Variants in CFAP77 observed in about 807,000 individuals in gnomAD.
CFAP77 encodes the protein cilia and flagella associated protein 77.
CFAP77 carries 25 observed loss-of-function variants against 31.1 expected under a neutral mutation model. The observed-to-expected ratio is 0.80, with a 90% CI of 0.59 to 1.12. CFAP77 has a LOEUF of 1.12. CFAP77 is among the 50% of genes most tolerant of loss of function. The pLI is 0.00. For missense variants in CFAP77, 377 were observed against 397.3 expected (o/e 0.95, Z 0.44); for synonymous variants, 151 against 159.9 (o/e 0.94, Z 0.42).
chr9:132,503,905 C>G lies in CFAP77; in HGVS notation c.524+4305C>G, dbSNP rs1589891755. On this transcript the variant is annotated intron_variant, in intron 3 of 5. Coordinates refer to ENST00000393216, the MANE Select transcript of CFAP77 (RefSeq NM_001282957.2). ...CTCCACTAAAAATACAAAAATGAGT[C>G]GGGCGTGGTGGCATGCATCTGTAAT... Among the ~76,000 whole-genome samples the G allele has an allele frequency of 2.0e-5, 3 of 152,128 alleles. No homozygotes were observed. In the South Asian group the frequency reaches 6.2e-4, roughly 32 times the overall value.
chr9:132,538,914 C>T (rs997162155), intron 4 of CFAP77, among the ~76,000 whole-genome samples: 1 of 151,836 alleles, frequency 6.6e-6, no homozygotes, highest in African/African-American at 2.4e-5. Context: ...GGTGAAACCC[C>T]GTCTCTACTA....
chr9:132,437,108 AAT>A (rs1698090364), intron 1 of CFAP77, among the ~76,000 whole-genome samples: 1 of 152,116 alleles, frequency 6.6e-6, no homozygotes, highest in Non-Finnish European at 1.5e-5. Flanking sequence ...ATGTGCATGT[AAT>A]ACTATTCAGG....
chr9:132,470,985 T>A (rs980479938), intron 1 of CFAP77, among the ~76,000 whole-genome samples: 1 of 152,202 alleles, frequency 6.6e-6, no homozygotes, highest in African/African-American at 2.4e-5. Flanking sequence ...TTCAAAAAAT[T>A]TTTTTTAAAT....
chr9:132,473,934 C>T (rs766703950), intron 1 of CFAP77, among the ~76,000 whole-genome samples: 12 of 152,146 alleles, frequency 7.9e-5, no homozygotes, highest in African/African-American at 1.7e-4. Context: ...CCACCTGCCT[C>T]GGCCTCCCAA....
At chr9:132,524,288 A>G (rs1050771988) in intron 3 of CFAP77, among the ~76,000 whole-genome samples, 1 of 151,280 alleles carries the variant, frequency 6.6e-6, no homozygotes, top group African/African-American at 2.4e-5. Context: ...CTATAGGACA[A>G]TTGGGAGAGC....
chr9:132,411,198 G>T (rs191184222), intron 1 of CFAP77, among the ~76,000 whole-genome samples: 14 of 152,318 alleles, frequency 9.2e-5, no homozygotes, highest in Admixed American at 8.5e-4. Flanking sequence ...TCAGGCTGAG[G>T]CTTGGGGGTC....
At chr9:132,513,757 C>T (rs536183809) in intron 3 of CFAP77, among the ~76,000 whole-genome samples, 3 of 152,334 alleles carry the variant, frequency 2.0e-5, no homozygotes, top group East Asian at 3.9e-4. Context: ...CGAGGGTCCT[C>T]GGGGTTGATG....
At chr9:132,413,840 A>G (rs536104840) in intron 1 of CFAP77, among the ~76,000 whole-genome samples, 1 of 152,294 alleles carries the variant, frequency 6.6e-6, no homozygotes, top group African/African-American at 2.4e-5. Flanking sequence ...TTTTTTCATA[A>G]TTTATTATTG....
At chr9:132,448,107 G>C (rs974771381) in intron 1 of CFAP77, among the ~76,000 whole-genome samples, 5 of 152,020 alleles carry the variant, frequency 3.3e-5, no homozygotes, top group Non-Finnish European at 7.4e-5. Flanking sequence ...TAGCTTTTTC[G>C]TTTAATTCAG....
chr9:132,558,476 G>A (rs1428903286), intron 5 of CFAP77, among the ~76,000 whole-genome samples: 3 of 152,042 alleles, frequency 2.0e-5, no homozygotes, highest in Non-Finnish European at 2.9e-5. Flanking sequence ...AGGCAGAGGC[G>A]GGAGGATCAC....
intron 1 of CFAP77, among the ~76,000 whole-genome samples, chr9:132,489,748 C>T (rs10122574): frequency 0.26 from 38,970 of 151,940 alleles, 5,222 homozygotes; most frequent in East Asian, 0.5. Context: ...TTCCAGTTTG[C>T]GACCTGTCTA....
rs552414265 is a variant in CFAP77, at chr9:132,552,356, G to A, written c.732+9309G>A. On this transcript the variant is annotated intron_variant, in intron 5 of 5. Transcript: ENST00000393216. This position sits in a 1 kb window ranked among gnomAD's most constrained non-coding sequence, Gnocchi z 5.5. Reference sequence around the variant, plus strand: ...AGCTGCTCCTTTAGATGAGTTATTCGAAAACTTGGCTTTGCCTGGGATCCT... The same window carrying A: ...AGCTGCTCCTTTAGATGAGTTATTCAAAAACTTGGCTTTGCCTGGGATCCT... Among the ~76,000 whole-genome samples the A allele has an allele frequency of 2.4e-4, 36 of 152,332 alleles. 1 individual carries two copies. In the Middle Eastern group the frequency reaches 0.017, roughly 72 times the overall value.
chr9:132,427,653 T>C (rs1279851560), intron 1 of CFAP77, among the ~76,000 whole-genome samples: 1 of 152,136 alleles, frequency 6.6e-6, no homozygotes, highest in Non-Finnish European at 1.5e-5. Flanking sequence ...ATTTATTCCC[T>C]CAGAGTTCTG....
In CFAP77 at chr9:132,565,008, C is replaced by CCTTAGT. The variant is rs1239657957; in HGVS notation, c.733-7380_733-7379insCTTAGT. Among the ~76,000 whole-genome samples, 44 of 151,948 alleles carry CCTTAGT rather than the reference C, an allele frequency of 2.9e-4. No homozygotes were observed. Among genetic ancestry groups the CCTTAGT allele is most frequent in the Non-Finnish European group, 6.3e-4 (43 of 67,992 alleles). On this transcript the variant is annotated intron_variant, in intron 5 of 5. Transcript: ENST00000393216. The surrounding 1 kb of genome is among the most constrained non-coding windows in gnomAD (Gnocchi z 4.1). ...ATCTGTAGTATGGGAGAGTTAGATT[C>CCTTAGT]GATATCACTAAGGTCTCTTCCAAAC...
chr9:132,413,825 C>T (rs917015317), intron 1 of CFAP77, among the ~76,000 whole-genome samples: 3 of 152,116 alleles, frequency 2.0e-5, no homozygotes, highest in African/African-American at 7.2e-5. Flanking sequence ...GATCGTAGCA[C>T]CCGATTTTTT....
At chr9:132,450,363 G>A (rs1850805485) in intron 1 of CFAP77, among the ~76,000 whole-genome samples, 1 of 152,130 alleles carries the variant, frequency 6.6e-6, no homozygotes, top group Non-Finnish European at 1.5e-5. Flanking sequence ...TGTTCCTGGG[G>A]CAAAAAGTGG....
intron 1 of CFAP77, among the ~76,000 whole-genome samples, chr9:132,421,966 G>A (rs1850223466): frequency 6.6e-6 from 1 of 151,868 alleles, no homozygotes; most frequent in Non-Finnish European, 1.5e-5. Flanking sequence ...ATGTGTGCTG[G>A]GCCTTGGGGA....
chr9:132,569,881 A>G (rs577239171), intron 5 of CFAP77, among the ~76,000 whole-genome samples: 6 of 151,902 alleles, frequency 3.9e-5, no homozygotes, highest in Admixed American at 2.0e-4. Context: ...GACTACAGGC[A>G]CCCACCACCA....
chr9:132,461,738 C>T (rs952472858), intron 1 of CFAP77, among the ~76,000 whole-genome samples: 2 of 152,208 alleles, frequency 1.3e-5, no homozygotes, highest in Non-Finnish European at 2.9e-5. Flanking sequence ...ACACCAATGG[C>T]CATAACAAGG....
Sources: gnomAD v4.1 joint callset for allele counts (sites outside exome capture counted in the v4.1 genomes callset) on GRCh38, gnomAD v4.1.1 for gene constraint, Gnocchi (gnomAD v3.1) non-coding constraint, MANE v1.5 for transcripts, NCBI Gene and HGNC (gene_info 2026-07-23, HGNC 2026-07-21) for gene names.